SYT14: variants seen among roughly 807,000 people sequenced by gnomAD.
SYT14 encodes synaptotagmin 14, also known as synaptotagmin-14.
In SYT14, 32 loss-of-function variants were observed where a neutral mutation model predicts 74.2. The ratio of observed to expected loss-of-function variants is 0.43; its 90% CI spans 0.33 to 0.58. The LOEUF is 0.58. Ranked by LOEUF, SYT14 falls within the 20% of genes least tolerant of loss-of-function variation. The pLI, the probability that SYT14 is intolerant of heterozygous loss-of-function variation, is 0.05. For synonymous variants in SYT14, 298 were observed against 337.7 expected (o/e 0.88, Z 1.29); for missense variants, 791 against 981.8 (o/e 0.81, Z 2.60).
intron 2 of SYT14, among the ~76,000 whole-genome samples, chr1:209,960,262 A>G (rs889540476): frequency 6.6e-6 from 1 of 152,214 alleles, no homozygotes; most frequent in African/African-American, 2.4e-5. Context: ...AACATGTAAT[A>G]TCCCAGTATG....
chr1:210,159,192 T>A (rs1338939412), intron 8 of SYT14, among the ~76,000 whole-genome samples: 1 of 150,502 alleles, frequency 6.6e-6, no homozygotes, highest in Admixed American at 6.6e-5. Flanking sequence ...TTTAAAAAAA[T>A]GTAATTTTTG....
chr1:210,164,097 AT>A, exon 10 of SYT14: 1 of 451,526 alleles, frequency 2.2e-6, no homozygotes, highest in Non-Finnish European at 4.4e-6. Context: ...AACAAAATGT[AT>A]GTCAAATCAG....
At chr1:210,025,176 G>C (rs1018997404) in intron 5 of SYT14, among the ~76,000 whole-genome samples, 1 of 152,086 alleles carries the variant, frequency 6.6e-6, no homozygotes, top group African/African-American at 2.4e-5. Context: ...GGAAGGAAGG[G>C]GATTTGCGTC....
intron 7 of SYT14, among the ~76,000 whole-genome samples, chr1:210,139,390 T>C (rs1223120760): frequency 6.6e-6 from 1 of 151,806 alleles, no homozygotes; most frequent in African/African-American, 2.4e-5. Context: ...AAGGGTACTT[T>C]TACTACAACT....
At chr1:210,043,833 A>T (rs2080838363) in intron 5 of SYT14, among the ~76,000 whole-genome samples, 1 of 152,180 alleles carries the variant, frequency 6.6e-6, no homozygotes, top group Non-Finnish European at 1.5e-5. Flanking sequence ...TTATCACAGT[A>T]TATATGGTAT....
chr1:209,983,752 G>A (rs989185639), intron 2 of SYT14, among the ~76,000 whole-genome samples: 5 of 152,078 alleles, frequency 3.3e-5, no homozygotes, highest in African/African-American at 1.2e-4. Flanking sequence ...TCTTGAGAAT[G>A]GGCCATACTT....
Position 210,149,718 on chromosome 1 carries a change from G to A in SYT14, c.2035-6003G>A, listed in dbSNP as rs149187758. On this transcript the variant is annotated intron_variant, in intron 7 of 9. Coordinates refer to ENST00000637265, the Ensembl canonical transcript of SYT14. ...TTCCTAACCTGAATGTCAGAGCTGT[G>A]CTCCATGAGTGTGGTAATATCGTGA... Among the ~76,000 whole-genome samples, 9 of 152,234 alleles carry A rather than the reference G, an allele frequency of 5.9e-5. No individual in the cohort carries two copies. In the East Asian group the frequency reaches 1.7e-3, roughly 29 times the overall value.
At chr1:210,143,926 G>A (rs1006504252) in intron 7 of SYT14, among the ~76,000 whole-genome samples, 18 of 152,058 alleles carry the variant, frequency 1.2e-4, no homozygotes, top group African/African-American at 4.3e-4. Flanking sequence ...AAAAAATTGA[G>A]AATAAAATTT....
chr1:210,164,743 T>A (rs183596316), exon 10 of SYT14: 101 of 152,232 alleles, frequency 6.6e-4, no homozygotes, highest in African/African-American at 2.0e-3. Flanking sequence ...ATTCACAGAT[T>A]TTTCACAAAG....
At chr1:209,988,660 A>G (rs139380132) in intron 2 of SYT14, among the ~76,000 whole-genome samples, 343 of 152,288 alleles carry the variant, frequency 2.3e-3, no homozygotes, top group African/African-American at 7.6e-3. Context: ...TAATTTTCTG[A>G]AGCAAAATCC....
intron 7 of SYT14, among the ~76,000 whole-genome samples, chr1:210,112,901 A>G (rs2082291150): frequency 6.6e-6 from 1 of 151,408 alleles, no homozygotes; most frequent in African/African-American, 2.5e-5. Context: ...CAATGAGTTC[A>G]GCTTGCTGAG....
chr1:210,145,375 G>A (rs1265549035), intron 7 of SYT14, among the ~76,000 whole-genome samples: 2 of 152,126 alleles, frequency 1.3e-5, no homozygotes, highest in African/African-American at 2.4e-5. Flanking sequence ...AGTTCAAAAT[G>A]CCTCTCTTGC....
intron 5 of SYT14, among the ~76,000 whole-genome samples, chr1:210,088,144 T>G (rs2102503746): frequency 6.6e-6 from 1 of 152,206 alleles, no homozygotes; most frequent in African/African-American, 2.4e-5. Context: ...ATTTCATCCC[T>G]CTACTTTCTT....
chr1:210,126,216 CAGAA>C (rs1236299387), intron 7 of SYT14, among the ~76,000 whole-genome samples: 5 of 151,094 alleles, frequency 3.3e-5, no homozygotes, highest in African/African-American at 4.9e-5. Context: ...AAAAAAAAAA[CAGAA>C]AGGCAACATC....
chr1:210,100,407 T>C, exon 7 of SYT14: 1 of 1,613,486 alleles, frequency 6.2e-7, no homozygotes, highest in Non-Finnish European at 8.5e-7. Context: ...CAAAATTGAA[T>C]CTTCAAGGGA....
intron 5 of SYT14, among the ~76,000 whole-genome samples, chr1:210,034,470 A>G (rs73068478): frequency 1.6e-3 from 240 of 151,746 alleles, no homozygotes; most frequent in African/African-American, 5.7e-3. Flanking sequence ...TGTAAGGGGT[A>G]CAAGTACAGT....
At chr1:210,025,336 G>A (rs74322066) in intron 5 of SYT14, among the ~76,000 whole-genome samples, 43 of 152,276 alleles carry the variant, frequency 2.8e-4, no homozygotes, top group African/African-American at 9.1e-4. Context: ...TGACACACAA[G>A]GAAAGAGATG....
chr1:209,981,450 C>CTTTTTTTTTTT (rs1183885685), intron 2 of SYT14, among the ~76,000 whole-genome samples: 118 of 99,042 alleles, frequency 1.2e-3, no homozygotes, highest in African/African-American at 1.4e-3. Flanking sequence ...TTTTTCTTTT[C>CTTTTTTTTTTT]TTTTTTTTTT....
intron 5 of SYT14, among the ~76,000 whole-genome samples, chr1:210,077,614 C>A (rs1312668849): frequency 6.6e-6 from 1 of 152,090 alleles, no homozygotes; most frequent in Admixed American, 6.6e-5. Context: ...TACAAATGTA[C>A]AAGTCAAATT....
Sources: allele counts gnomAD v4.1 joint callset (sites outside exome capture counted in the v4.1 genomes callset), GRCh38; gene constraint gnomAD v4.1.1; transcripts MANE v1.5; gene names NCBI Gene and HGNC (gene_info 2026-07-23, HGNC 2026-07-21).